NT5M: variants seen among roughly 807,000 people sequenced by gnomAD.
NT5M encodes the protein 5'(3')-deoxyribonucleotidase, mitochondrial.
A neutral mutation model predicts 22.2 loss-of-function variants in NT5M; 22 were observed. The observed-to-expected ratio is 0.99, with a 90% CI of 0.71 to 1.41. The LOEUF is 1.41. Among genes scored for constraint, NT5M ranks in the 40% most tolerant of loss-of-function variants. NT5M has a pLI of 0.00. For missense variants in NT5M, 322 were observed against 314.8 expected, an observed-to-expected ratio of 1.02 and a Z score of -0.17; for synonymous variants, 167 against 133.0, an observed-to-expected ratio of 1.26 and a Z score of -1.76.
chr17:17,341,900 A>G (rs573372395), intron 3 of NT5M, among the ~76,000 whole-genome samples: 1 of 152,272 alleles, frequency 6.6e-6, no homozygotes, highest in Admixed American at 6.5e-5. Flanking sequence ...GCATGGTGGC[A>G]GGCGCCTGTG....
At chr17:17,318,785 CAAA>C (rs61422345) in intron 2 of NT5M, among the ~76,000 whole-genome samples, 8 of 40,254 alleles carry the variant, frequency 2.0e-4, no homozygotes, top group African/African-American at 7.1e-4. Context: ...AACTCCGTCT[CAAA>C]AAAAAAAAAA....
At chr17:17,310,523 A>G (rs1225687334) in intron 2 of NT5M, among the ~76,000 whole-genome samples, 2 of 152,172 alleles carry the variant, frequency 1.3e-5, no homozygotes, top group East Asian at 1.9e-4. Context: ...GAAAATTTAG[A>G]ATGTCCAATA....
At chr17:17,340,052 G>A (rs1284369294) in intron 3 of NT5M, among the ~76,000 whole-genome samples, 2 of 152,126 alleles carry the variant, frequency 1.3e-5, no homozygotes, top group Admixed American at 6.5e-5. Context: ...AGTTTAAGTA[G>A]GATTGGTATT....
At chr17:17,318,735 A>G (rs1003211902) in intron 2 of NT5M, among the ~76,000 whole-genome samples, 6 of 139,076 alleles carry the variant, frequency 4.3e-5, no homozygotes, top group African/African-American at 1.6e-4. Context: ...CAGTGAGCCG[A>G]GATCACGCCA....
chr17:17,340,693 A>AT (rs745655727), intron 3 of NT5M, among the ~76,000 whole-genome samples: 113 of 151,440 alleles, frequency 7.5e-4, no homozygotes, highest in Non-Finnish European at 7.5e-4. Context: ...TGCCCAGCTT[A>AT]TTTTTGTTTT....
rs1228663732 is a variant in NT5M, at chr17:17,340,969, C to T, written c.430-3825C>T. Among the ~76,000 whole-genome samples the T allele has an allele frequency of 1.1e-4, 17 of 151,906 alleles. 1 individual carries two copies. Among genetic ancestry groups the T allele is most frequent in the Non-Finnish European group, 7.4e-5 (5 of 67,994 alleles). ...TGTGGCACTTATAGCTATAAACTTC[C>T]CTCTTAGTACTGCTTTTGCTGCATC... On this transcript the variant is annotated intron_variant, in intron 3 of 4. Transcript: ENST00000389022.
At chr17:17,343,928 A>G (rs1157669616) in intron 3 of NT5M, among the ~76,000 whole-genome samples, 1 of 152,160 alleles carries the variant, frequency 6.6e-6, no homozygotes, top group Non-Finnish European at 1.5e-5. Flanking sequence ...CATGGGCCAG[A>G]GCAGGTGCCG....
At chr17:17,309,462 T>C (rs1470471974) in intron 2 of NT5M, among the ~76,000 whole-genome samples, 2 of 152,206 alleles carry the variant, frequency 1.3e-5, no homozygotes, top group Non-Finnish European at 2.9e-5. Context: ...ATAGGATAAT[T>C]CTGTGTTTGA....
At chr17:17,346,780 C>T (rs1293563146) in intron 4 of NT5M, 25 bp from the exon 5 acceptor site, 3 of 1,604,854 alleles carry the variant, frequency 1.9e-6, no homozygotes, top group Non-Finnish European at 2.5e-6. Flanking sequence ...CACTGCTGAG[C>T]TGAATGCCGC....
intron 2 of NT5M, among the ~76,000 whole-genome samples, chr17:17,316,167 C>T (rs555461566): frequency 3.3e-5 from 5 of 149,760 alleles, no homozygotes; most frequent in Non-Finnish European, 1.5e-5. Context: ...AAGCAATTAT[C>T]CTGTTTCAGC....
At chr17:17,341,844 C>T (rs914497716) in intron 3 of NT5M, among the ~76,000 whole-genome samples, 1 of 152,182 alleles carries the variant, frequency 6.6e-6, no homozygotes, top group Non-Finnish European at 1.5e-5. Flanking sequence ...GCCTGGCCAA[C>T]GTGGTGAAAC....
At chr17:17,341,667 C>T (rs947248175) in intron 3 of NT5M, among the ~76,000 whole-genome samples, 5 of 152,202 alleles carry the variant, frequency 3.3e-5, no homozygotes, top group African/African-American at 9.6e-5. Context: ...CATAAGTGCT[C>T]ATGGCTGGGC....
At chr17:17,338,788 G>A (rs1431583226) in intron 3 of NT5M, among the ~76,000 whole-genome samples, 9 of 142,538 alleles carry the variant, frequency 6.3e-5, no homozygotes, top group Middle Eastern at 3.8e-3. Context: ...GTGCAGTGGC[G>A]CGATCTCGGC....
At chr17:17,305,785 A>C (rs1036119571) in intron 1 of NT5M, among the ~76,000 whole-genome samples, 1 of 152,090 alleles carries the variant, frequency 6.6e-6, no homozygotes, top group African/African-American at 2.4e-5. Context: ...GCCCTGCAGC[A>C]GAACAGGGGA....
intron 1 of NT5M, among the ~76,000 whole-genome samples, chr17:17,305,942 G>A (rs1183149096): frequency 6.6e-6 from 1 of 151,926 alleles, no homozygotes; most frequent in African/African-American, 2.4e-5. Flanking sequence ...GTAAAATGAG[G>A]GTCTGCATTT....
intron 2 of NT5M, among the ~76,000 whole-genome samples, chr17:17,321,957 C>T (rs975710525): frequency 1.1e-4 from 16 of 151,970 alleles, no homozygotes; most frequent in Middle Eastern, 6.8e-3. Context: ...TTCCAAGCTC[C>T]GGGGGTGACA....
At chr17:17,308,286 T>C (rs2048850561) in intron 2 of NT5M, among the ~76,000 whole-genome samples, 1 of 152,132 alleles carries the variant, frequency 6.6e-6, no homozygotes, top group Non-Finnish European at 1.5e-5. Context: ...AAAAACAGCC[T>C]TATTGACATA....
chr17:17,303,403 C>G lies in NT5M; in HGVS notation c.-148C>G, dbSNP rs1365183646. 6 of 945,678 alleles carry G rather than the reference C, an allele frequency of 6.3e-6. No individual in the cohort carries two copies. The highest frequency in any genetic ancestry group is 1.8e-5 in the African/African-American group (1 of 56,470). 58.6% of individuals were successfully genotyped at this position (945,678 alleles called of 1,614,324 possible). On this transcript the variant is annotated 5_prime_UTR_variant, in exon 1 of 5. Coordinates refer to ENST00000389022, the MANE Select transcript of NT5M (RefSeq NM_020201.4). The stretch of plus-strand genomic sequence containing the variant: ...GGGGCCGGTACTTGCGCGCCCGCAC[C>G]CCGCGCTCCCCGCCCCGCTCCCCGT...
intron 2 of NT5M, among the ~76,000 whole-genome samples, chr17:17,317,580 G>A (rs865825543): frequency 2.6e-5 from 4 of 152,204 alleles, no homozygotes; most frequent in African/African-American, 9.6e-5. Context: ...AACATAGAGT[G>A]AGACAGTCTC....
Sources: gnomAD v4.1 joint callset for allele counts (sites outside exome capture counted in the v4.1 genomes callset) on GRCh38, gnomAD v4.1.1 for gene constraint, MANE v1.5 for transcripts, NCBI Gene and HGNC (gene_info 2026-07-23, HGNC 2026-07-21) for gene names.